Variants in SLC5A4 observed in about 807,000 individuals in gnomAD.
The protein encoded by SLC5A4 is probable glucose sensor protein SLC5A4.
Under a neutral mutation model 70.3 loss-of-function variants are expected in SLC5A4, and 55 were observed. The ratio of observed to expected loss-of-function variants is 0.78; its 90% CI spans 0.63 to 0.98. The LOEUF (loss-of-function observed/expected upper bound fraction) is 0.98. Among genes scored for constraint, SLC5A4 ranks in the 50% least tolerant of loss-of-function variants. The pLI is 0.00. For missense variants in SLC5A4, 735 were observed against 839.2 expected (o/e 0.88, Z 1.53); for synonymous variants, 268 against 305.7 (o/e 0.88, Z 1.29).
At chr22:32,350,499 A>G in the SLC5A4 span, among the ~76,000 whole-genome samples, 3 of 152,152 alleles carry the variant, frequency 2.0e-5, no homozygotes, top group Non-Finnish European at 4.4e-5. Flanking sequence ...CTACCCCTAT[A>G]TATCTCAAAT....
chr22:32,247,843 A>T (rs1180247858), intron 4 of SLC5A4, among the ~76,000 whole-genome samples: 1 of 152,214 alleles, frequency 6.6e-6, no homozygotes, highest in African/African-American at 2.4e-5. Flanking sequence ...ACCAAACATA[A>T]GTGAAGTCAT....
chr22:32,347,028 T>A, the SLC5A4 span, among the ~76,000 whole-genome samples: 1 of 151,882 alleles, frequency 6.6e-6, no homozygotes, highest in African/African-American at 2.4e-5. Flanking sequence ...AACAACCCCA[T>A]CAAAAAGTGG....
chr22:32,286,221 A>G, the SLC5A4 span, among the ~76,000 whole-genome samples: 42,968 of 152,058 alleles, frequency 0.28, 6,135 homozygotes, highest in African/African-American at 0.32. Context: ...ACTCACATAT[A>G]TTTTATATTC....
chr22:32,305,558 G>A, the SLC5A4 span, among the ~76,000 whole-genome samples: 1 of 148,520 alleles, frequency 6.7e-6, no homozygotes, highest in African/African-American at 2.5e-5. Flanking sequence ...GGGCCTCTGG[G>A]CCCCAGGTGA....
At position 32,255,239 on chromosome 22, in the gene SLC5A4, C is replaced by T. The variant is rs142936088; in HGVS notation, c.91G>A (p.Val31Ile). ...DHIRNAADIS[V>I]IVIYFLVVMA... ...ACCACCAGAAAATAGATGACAATGA[C>T]TGAGATGTCAGCAGCATTTCGGATG... is the stretch of plus-strand genomic sequence containing the variant. Residue 31 changes from valine (V) to isoleucine (I), a missense_variant, in exon 1 of 15, where the codon GTC becomes ATC. Val to Ile is a conservative substitution (Grantham distance 29). Transcript: ENST00000266086. The T allele has an allele frequency of 1.3e-4, 203 of 1,614,060 alleles. 2 individuals carry two copies. In the East Asian group the frequency reaches 4.4e-3, roughly 35 times the overall value.
the SLC5A4 span, among the ~76,000 whole-genome samples, chr22:32,282,043 A>T: frequency 6.6e-6 from 1 of 150,748 alleles, no homozygotes; most frequent in East Asian, 2.0e-4. Flanking sequence ...GCGTTTCACC[A>T]TGTTGTCCAG....
chr22:32,336,893 T>C, the SLC5A4 span, among the ~76,000 whole-genome samples: 18 of 152,254 alleles, frequency 1.2e-4, no homozygotes, highest in African/African-American at 3.9e-4. Flanking sequence ...CGGCATGGCC[T>C]ACGGCCAGCC....
the SLC5A4 span, among the ~76,000 whole-genome samples, chr22:32,297,068 G>A: frequency 4.0e-5 from 6 of 151,398 alleles, no homozygotes; most frequent in African/African-American, 9.7e-5. Context: ...GTATTTTATC[G>A]AGGATTTTTG....
At chr22:32,221,053 T>A in intron 13 of SLC5A4, 31 bp from the exon 14 acceptor site, 1 of 1,392,376 alleles carries the variant, frequency 7.2e-7, no homozygotes, top group Non-Finnish European at 1.0e-6. Flanking sequence ...AGTGCATTAG[T>A]AATAGGCAAA....
the SLC5A4 span, among the ~76,000 whole-genome samples, chr22:32,339,191 C>T: frequency 2.9e-4 from 44 of 152,296 alleles, no homozygotes; most frequent in African/African-American, 9.6e-4. Context: ...GCAAAGCAGT[C>T]GTAGCTGCGT....
chr22:32,271,704 A>C, the SLC5A4 span: 1 of 566,542 alleles, frequency 1.8e-6, no homozygotes, highest in Non-Finnish European at 3.2e-6. Flanking sequence ...GTGGGCATCA[A>C]TGGCCCTGTC....
At chr22:32,235,977 A>G (rs5998326) in intron 7 of SLC5A4, among the ~76,000 whole-genome samples, 8,160 of 152,242 alleles carry the variant, frequency 0.054, 399 homozygotes, top group African/African-American at 0.13. Flanking sequence ...ATGGTTTGCA[A>G]CAAAAATACA....
chr22:32,270,777 C>A, the SLC5A4 span: 9 of 619,068 alleles, frequency 1.5e-5, no homozygotes, highest in African/African-American at 1.6e-4. Context: ...GCGTGGTCAT[C>A]ATGAGTGCCG....
chr22:32,351,644 A>C, the SLC5A4 span, among the ~76,000 whole-genome samples: 1 of 142,576 alleles, frequency 7.0e-6, no homozygotes, highest in Non-Finnish European at 1.5e-5. Context: ...AGAGGTTGCA[A>C]TGAGCAGAGA....
chr22:32,257,250 T>C (rs566665276), upstream of SLC5A4, among the ~76,000 whole-genome samples: 292 of 152,362 alleles, frequency 1.9e-3, 1 homozygote, highest in Non-Finnish European at 3.0e-3. Context: ...TTAAAAATTA[T>C]GTTGTATTCT....
chr22:32,308,261 A>AAATAAGCCAATTAAAAAATTTT, the SLC5A4 span, among the ~76,000 whole-genome samples: 2 of 152,242 alleles, frequency 1.3e-5, no homozygotes, highest in Non-Finnish European at 2.9e-5. Context: ...TGAAAAATTA[A>AAATAAGCCAATTAAAAAATTTT]AATAAGCCAA....
At chr22:32,255,960 G>A (rs1927463228), upstream of SLC5A4, among the ~76,000 whole-genome samples, 1 of 152,166 alleles carries the variant, frequency 6.6e-6, no homozygotes, top group Non-Finnish European at 1.5e-5. Flanking sequence ...GAATCAACCT[G>A]GAAGCATGTG....
At chr22:32,328,545 A>G in the SLC5A4 span, among the ~76,000 whole-genome samples, 32,678 of 152,000 alleles carry the variant, frequency 0.21, 3,682 homozygotes, top group Admixed American at 0.26. Context: ...GACAACGCCA[A>G]CCAACACGTG....
chr22:32,353,049 C>G, the SLC5A4 span, among the ~76,000 whole-genome samples: 7 of 152,232 alleles, frequency 4.6e-5, no homozygotes, highest in Admixed American at 1.3e-4. Flanking sequence ...AGCGTTAGAG[C>G]CTCACCTTGG....
Sources: gnomAD v4.1 joint callset for allele counts (sites outside exome capture counted in the v4.1 genomes callset) on GRCh38, gnomAD v4.1.1 for gene constraint, MANE v1.5 for transcripts, NCBI Gene and HGNC (gene_info 2026-07-23, HGNC 2026-07-21) for gene names.